Variants in NRIP2 observed in about 807,000 individuals in gnomAD.
NRIP2 encodes the protein nuclear receptor-interacting protein 2.
In NRIP2, 27 loss-of-function variants were observed where a neutral mutation model predicts 34.1. The observed-to-expected ratio is 0.79, with a 90% CI of 0.58 to 1.09. NRIP2 has a LOEUF of 1.09. Ranked by LOEUF, NRIP2 falls within the 50% of genes least tolerant of loss-of-function variation. NRIP2 has a pLI of 0.00. For synonymous variants in NRIP2, 145 were observed against 146.9 expected (o/e 0.99, Z 0.09); for missense variants, 385 against 352.6 (o/e 1.09, Z -0.74).
chr12:2,828,466 G>C, intron 2 of NRIP2, 52 bp from the exon 3 acceptor site: 6 of 1,362,722 alleles, frequency 4.4e-6, no homozygotes, highest in Non-Finnish European at 6.2e-6. Context: ...GAATGGGTTG[G>C]AATTGGATCC....
At position 2,827,174 on chromosome 12, in the gene NRIP2, G is replaced by C. The variant is rs144356765; in HGVS notation, c.*33C>G. 326 of 1,613,808 alleles carry C rather than the reference G, an allele frequency of 2.0e-4. 4 individuals carry two copies. In the East Asian group the frequency reaches 7.1e-3, roughly 35 times the overall value. ...CACACGCCTCTTCTTCTAAGGCAAG[G>C]TCTTTCCCTCTGGGGACTGACTGAG... is the stretch of plus-strand genomic sequence containing the variant. On this transcript the variant is annotated 3_prime_UTR_variant, in exon 6 of 6. Transcript: ENST00000337508. This position sits in a 1 kb window ranked among gnomAD's most constrained non-coding sequence, Gnocchi z 4.0.
In NRIP2 at chr12:2,834,986, AG is replaced by A. The variant is rs1565436145; in HGVS notation, c.-4del. ...GAAAGAGGAAAAATAAATAACATGCAGGAGCAGCCGCGTCAGTCTCCAATTT... is the reference window on the plus strand; with the variant it reads ...GAAAGAGGAAAAATAAATAACATGCAGAGCAGCCGCGTCAGTCTCCAATTT... On this transcript the variant is annotated 5_prime_UTR_variant, in exon 1 of 6. Coordinates refer to ENST00000337508, the MANE Select transcript of NRIP2 (RefSeq NM_031474.3). 6.4e-7 allele frequency: 1 copy of A among 1,558,908 alleles called. No homozygotes were observed.
chr12:2,834,861 G>T lies in NRIP2; in HGVS notation c.123C>A (p.Ser41Arg). Reference sequence around the variant, plus strand: ...CCCCTGCTGGAGGAGTGGGCCAGGGGCTGCTCGGTGGGGGCGTCACCGAGT... The same window carrying T: ...CCCCTGCTGGAGGAGTGGGCCAGGGTCTGCTCGGTGGGGGCGTCACCGAGT... Reference protein sequence around the residue: ...REDSVTPPPSSPWPTPPAGAM... With the variant: ...REDSVTPPPSRPWPTPPAGAM... The change falls in exon 1 of 6, where the codon AGC becomes AGA. Residue 41 changes from serine (S) to arginine (R), a missense_variant. Physicochemically the swap from Ser to Arg is moderately radical, Grantham distance 110. Transcript: ENST00000337508. 1.2e-6 allele frequency: 2 copies of T among 1,613,794 alleles called. No homozygotes were observed. The highest frequency in any genetic ancestry group is 1.1e-5 in the South Asian group (1 of 91,054).
Position 2,830,615 on chromosome 12 carries a change from C to T in NRIP2, c.495+93G>A, listed in dbSNP as rs1423271644. 5.2e-6 allele frequency: 7 copies of T among 1,356,722 alleles called. No homozygotes were observed. In the African/African-American group the frequency reaches 7.5e-5, roughly 14 times the overall value. 84.0% of individuals were successfully genotyped at this position (1,356,722 alleles called of 1,614,324 possible). A position where few individuals can be genotyped will look rare whatever the true frequency, so the allele number is the denominator to read the frequency against. On this transcript the variant is annotated intron_variant, in intron 2 of 5. Transcript: ENST00000337508. ...AGAGAGGTGCCCTTTCTCCCTCCCTCCCTCTCCCATCAGGGCAGAGCAGAA... is the reference window on the plus strand; with the variant it reads ...AGAGAGGTGCCCTTTCTCCCTCCCTTCCTCTCCCATCAGGGCAGAGCAGAA...
rs1195352746 is a variant in NRIP2 at position 2,835,025 on chromosome 12, G to A, written c.-42C>T. On this transcript the variant is annotated 5_prime_UTR_variant, in exon 1 of 6. Transcript: ENST00000337508. ...CAGTCTCCAATTTCCCGAGATTGCT[G>A]TAGAGGGAGTGAGACTCCGGCTGGA... 2 of 1,499,556 alleles carry A rather than the reference G, an allele frequency of 1.3e-6. No homozygotes were observed. The highest frequency in any genetic ancestry group is 2.3e-5 in the East Asian group (1 of 43,494). The allele number at this position is 1,499,556 out of a possible 1,614,324, so 92.9% of individuals were successfully genotyped here.
Position 2,834,888 on chromosome 12 carries a change from C to T in NRIP2, c.96G>A (p.Glu32=), listed in dbSNP as rs1004249866. Residue 32 remains glutamate (E), a synonymous_variant, in exon 1 of 6, where the codon GAG becomes GAA. Coordinates refer to ENST00000337508, the MANE Select transcript of NRIP2 (RefSeq NM_031474.3). ...TGCTCGGTGGGGGCGTCACCGAGTC[C>T]TCTCTGCTTCTTCCTGCCTGTCTCT... The part of the protein sequence containing the change: ...TGQRQAGRSR[E]DSVTPPPSSP... The T allele has an allele frequency of 4.3e-6, 7 of 1,613,820 alleles. No homozygotes were observed. Among genetic ancestry groups the T allele is most frequent in the Non-Finnish European group, 5.9e-6 (7 of 1,179,978 alleles).
At chr12:2,834,128 A>C (rs962592350) in intron 1 of NRIP2, among the ~76,000 whole-genome samples, 1 of 152,220 alleles carries the variant, frequency 6.6e-6, no homozygotes, top group African/African-American at 2.4e-5. Flanking sequence ...GCAGCACTCA[A>C]GGCGGCCAGG....
In NRIP2 at chr12:2,827,024, C is replaced by T; in HGVS notation, c.*183G>A. 1 of 1,433,302 alleles carries T rather than the reference C, an allele frequency of 7.0e-7. No homozygotes were observed. The allele number at this position is 1,433,302 out of a possible 1,614,324, so 88.8% of individuals were successfully genotyped here. A position where few individuals can be genotyped will look rare whatever the true frequency, so the allele number is the denominator to read the frequency against. ...TGAAAACTCGTCCTGGGGAGTAGGACAGCTGCTGAGAAGCAGAGAGGAATG... is the reference window on the plus strand; with the variant it reads ...TGAAAACTCGTCCTGGGGAGTAGGATAGCTGCTGAGAAGCAGAGAGGAATG... On this transcript the variant is annotated 3_prime_UTR_variant, in exon 6 of 6. Transcript: ENST00000337508. The surrounding 1 kb of genome is among the most constrained non-coding windows in gnomAD (Gnocchi z 4.0).
Position 2,834,917 on chromosome 12 carries a change from C to T in NRIP2, c.67G>A (p.Gly23Arg). ...PSCWKESCST[G>R]QRQAGRSRED... is the part of the protein sequence containing the mutation. Reference sequence around the variant, plus strand: ...CTGCTTCTTCCTGCCTGTCTCTGTCCCGTGCTGCAGCTCTCTTTCCAACAG... The same window carrying T: ...CTGCTTCTTCCTGCCTGTCTCTGTCTCGTGCTGCAGCTCTCTTTCCAACAG... Residue 23 changes from glycine to arginine, a missense_variant, in exon 1 of 6, where the codon GGA (glycine) becomes AGA (arginine). Physicochemically the swap from Gly to Arg is moderately radical, Grantham distance 125 (BLOSUM62 -2). Transcript: ENST00000337508. The T allele has an allele frequency of 6.8e-6, 11 of 1,613,462 alleles. No homozygotes were observed. Among genetic ancestry groups the T allele is most frequent in the South Asian group, 1.1e-5 (1 of 91,028 alleles).
intron 2 of NRIP2, 75 bp downstream of exon 2, chr12:2,830,633 G>T: frequency 6.7e-7 from 1 of 1,483,606 alleles, no homozygotes; most frequent in South Asian, 1.3e-5. Context: ...CATCAGGGCA[G>T]AGCAGAAAGG....
intron 2 of NRIP2, chr12:2,830,415 C>T (rs1390646824): frequency 1.4e-5 from 4 of 285,900 alleles, no homozygotes; most frequent in Admixed American, 1.0e-4. Context: ...TCCATGCACA[C>T]ACACCATTTG....
At chr12:2,831,784 A>T (rs1194591360) in intron 1 of NRIP2, among the ~76,000 whole-genome samples, 1 of 151,482 alleles carries the variant, frequency 6.6e-6, no homozygotes, top group Non-Finnish European at 1.5e-5. Flanking sequence ...TTCTTTCAAG[A>T]TGGGATCTTG....
chr12:2,830,430 T>C (rs1486780935), intron 2 of NRIP2: 1 of 354,148 alleles, frequency 2.8e-6, no homozygotes, highest in Non-Finnish European at 5.1e-6. Context: ...CATTTGTCTG[T>C]GTAGAGCACA....
chr12:2,827,876 A>G lies in NRIP2; in HGVS notation c.700+50T>C, dbSNP rs530921141. 5 of 1,612,588 alleles carry G rather than the reference A, an allele frequency of 3.1e-6. No individual in the cohort carries two copies. In the East Asian group the frequency reaches 8.9e-5, roughly 29 times the overall value. On this transcript the variant is annotated intron_variant, in intron 4 of 5. Transcript: ENST00000337508. This position sits in a 1 kb window ranked among gnomAD's most constrained non-coding sequence, Gnocchi z 4.0. Reference sequence around the variant, plus strand: ...AAGTCTCAGCCTTTGCCCCACCCCAAAGAGAAAGGTGAGGTGAGCACCAGG... The same window carrying G: ...AAGTCTCAGCCTTTGCCCCACCCCAGAGAGAAAGGTGAGGTGAGCACCAGG...
intron 1 of NRIP2, among the ~76,000 whole-genome samples, chr12:2,833,295 C>T (rs190399899): frequency 2.1e-3 from 315 of 152,204 alleles, no homozygotes; most frequent in Non-Finnish European, 3.9e-3. Flanking sequence ...CCGAAGAACC[C>T]GCTTCCCTGC....
chr12:2,830,660 G>A (rs776450728), intron 2 of NRIP2, 48 bp downstream of exon 2: 10 of 1,566,566 alleles, frequency 6.4e-6, no homozygotes, highest in Non-Finnish European at 8.6e-6. Flanking sequence ...GGTGAAGTGA[G>A]TGCAGGCAGG....
intron 1 of NRIP2, among the ~76,000 whole-genome samples, chr12:2,832,407 A>ACTCCTCT (rs112717762): frequency 1.3e-5 from 2 of 150,292 alleles, no homozygotes; most frequent in African/African-American, 2.4e-5. Context: ...CCATGTCTTC[A>ACTCCTCT]CTCCTCTCTC....
chr12:2,832,506 G>A (rs1375114502), intron 1 of NRIP2, among the ~76,000 whole-genome samples: 3 of 151,894 alleles, frequency 2.0e-5, no homozygotes, highest in African/African-American at 4.8e-5. Flanking sequence ...TTGAGAGAGA[G>A]GTTGTATCTT....
chr12:2,830,677 A>C (rs539562919), intron 2 of NRIP2, 31 bp downstream of exon 2: 2 of 1,588,818 alleles, frequency 1.3e-6, no homozygotes, highest in African/African-American at 2.7e-5. Context: ...CAGGGTTGTT[A>C]ATGAAAGTGT....
Sources: gnomAD v4.1 joint callset for allele counts (sites outside exome capture counted in the v4.1 genomes callset) on GRCh38, gnomAD v4.1.1 for gene constraint, Gnocchi (gnomAD v3.1) non-coding constraint, MANE v1.5 for transcripts, NCBI Gene and HGNC (gene_info 2026-07-23, HGNC 2026-07-21) for gene names.